Variants in TRDN observed in about 807,000 individuals in gnomAD.
TRDN encodes triadin.
TRDN carries 161 observed loss-of-function variants against 149.7 expected under a neutral mutation model. That is an observed-to-expected ratio of 1.08 (90% confidence interval 0.95 to 1.23). TRDN has a LOEUF of 1.23. Among genes scored for constraint, TRDN ranks in the 50% most tolerant of loss-of-function variants. The pLI, the probability that TRDN is intolerant of heterozygous loss-of-function variation, is 0.00. For missense variants in TRDN, 896 were observed against 823.5 expected (o/e 1.09, Z -1.08); for synonymous variants, 294 against 250.5 (o/e 1.17, Z -1.64).
intron 12 of TRDN, among the ~76,000 whole-genome samples, chr6:123,397,600 G>T (rs1772785337): frequency 6.6e-6 from 1 of 152,094 alleles, no homozygotes; most frequent in Non-Finnish European, 1.5e-5. Context: ...TAAGCTCAGG[G>T]ATCTATTTCA....
intron 12 of TRDN, among the ~76,000 whole-genome samples, chr6:123,430,826 C>T (rs1253229509): frequency 6.6e-6 from 1 of 152,066 alleles, no homozygotes; most frequent in Non-Finnish European, 1.5e-5. Context: ...TTGCATTCAG[C>T]CCAAGCTCAC....
chr6:123,250,064 TGAA>T (rs1317333133), intron 38 of TRDN, among the ~76,000 whole-genome samples: 2 of 151,920 alleles, frequency 1.3e-5, no homozygotes, highest in African/African-American at 2.4e-5. Context: ...ATGAACTAGC[TGAA>T]GAAGAAATCA....
intron 9 of TRDN, chr6:123,488,711 T>C (rs1466163961): frequency 2.7e-4 from 1 of 3,702 alleles, no homozygotes; most frequent in African/African-American, 5.6e-4. Flanking sequence ...CCAATCTTGT[T>C]TTTTTTTTTT....
chr6:123,315,518 G>T (rs977742031), intron 24 of TRDN, among the ~76,000 whole-genome samples: 2 of 151,868 alleles, frequency 1.3e-5, no homozygotes, highest in South Asian at 2.1e-4. Context: ...ATAGAAGGGT[G>T]ATTTGTAATA....
chr6:123,265,524 A>C (rs1776913068), intron 32 of TRDN, among the ~76,000 whole-genome samples, 186 bp from the exon 33 acceptor site: 1 of 151,380 alleles, frequency 6.6e-6, no homozygotes, highest in African/African-American at 2.4e-5. Context: ...TGAGTTTCTC[A>C]TGGAGCAGTA....
intron 24 of TRDN, among the ~76,000 whole-genome samples, chr6:123,302,404 A>G (rs533084102): frequency 6.6e-6 from 1 of 152,174 alleles, no homozygotes; most frequent in East Asian, 1.9e-4. Context: ...TAAGCCATTG[A>G]TCCTTTGCAT....
intron 14 of TRDN, among the ~76,000 whole-genome samples, chr6:123,387,425 C>CT (rs1196897776): frequency 3.9e-5 from 6 of 152,044 alleles, no homozygotes; most frequent in African/African-American, 1.2e-4. Flanking sequence ...AAATGAGTGA[C>CT]TTTTTTATTA....
At chr6:123,252,978 G>A (rs1258388612) in intron 37 of TRDN, among the ~76,000 whole-genome samples, 2 of 152,134 alleles carry the variant, frequency 1.3e-5, no homozygotes, top group East Asian at 3.9e-4. Flanking sequence ...TTTGCATTAT[G>A]TAACAGCTAA....
intron 8 of TRDN, among the ~76,000 whole-genome samples, chr6:123,500,994 T>C (rs2114824333): frequency 6.6e-6 from 1 of 152,240 alleles, no homozygotes; most frequent in South Asian, 2.1e-4. Flanking sequence ...AATGTCTGAC[T>C]ATGCCAACTC....
At chr6:123,419,565 G>A (rs2114537106) in intron 12 of TRDN, among the ~76,000 whole-genome samples, 1 of 152,058 alleles carries the variant, frequency 6.6e-6, no homozygotes, top group Middle Eastern at 3.4e-3. Flanking sequence ...ATAGACAGGG[G>A]GCGGGTCTCA....
chr6:123,511,114 G>T (rs1000915345), intron 7 of TRDN, among the ~76,000 whole-genome samples: 1 of 152,096 alleles, frequency 6.6e-6, no homozygotes, highest in Admixed American at 6.6e-5. Flanking sequence ...ATAGTTTCAG[G>T]TCTTACGTTT....
rs114515157 is a variant in TRDN, at chr6:123,629,269, G to T, written c.22+7485C>A. ...AGTTTGCTAAATATGTATTTTGAACGTCTGTATAAATGGAAACTGAATCTC... is the reference window on the plus strand; with the variant it reads ...AGTTTGCTAAATATGTATTTTGAACTTCTGTATAAATGGAAACTGAATCTC... On this transcript the variant is annotated intron_variant, in intron 1 of 40. Coordinates refer to ENST00000334268, the MANE Select transcript of TRDN (RefSeq NM_006073.4). 2.3e-3 allele frequency among the ~76,000 whole-genome samples: 356 copies of T among 152,160 alleles called. 1 individual carries two copies. Among genetic ancestry groups the T allele is most frequent in the African/African-American group, 8.4e-3 (351 of 41,546 alleles).
intron 7 of TRDN, among the ~76,000 whole-genome samples, chr6:123,505,628 A>G (rs972834566): frequency 5.3e-5 from 8 of 152,202 alleles, no homozygotes; most frequent in Non-Finnish European, 1.0e-4. Flanking sequence ...AAGAAGGGGA[A>G]TTATGATACA....
chr6:123,449,998 T>G (rs1775666923), intron 10 of TRDN, among the ~76,000 whole-genome samples: 2 of 152,124 alleles, frequency 1.3e-5, no homozygotes, highest in South Asian at 4.1e-4. Flanking sequence ...AGATGAAGTC[T>G]TTTTCAGACA....
intron 7 of TRDN, among the ~76,000 whole-genome samples, chr6:123,505,198 T>G (rs1454124515): frequency 7.5e-6 from 1 of 133,256 alleles, no homozygotes; most frequent in Non-Finnish European, 1.5e-5. Context: ...GAGCCGAGAT[T>G]GCGCCATTGC....
At chr6:123,457,199 A>G (rs1241247820) in intron 10 of TRDN, among the ~76,000 whole-genome samples, 1 of 152,222 alleles carries the variant, frequency 6.6e-6, no homozygotes, top group African/African-American at 2.4e-5. Context: ...GCTGTGAAGC[A>G]GGAAACTGGC....
At chr6:123,594,184 A>G (rs1489384205) in intron 1 of TRDN, among the ~76,000 whole-genome samples, 2 of 152,192 alleles carry the variant, frequency 1.3e-5, no homozygotes, top group Non-Finnish European at 2.9e-5. Context: ...CTACAATTTG[A>G]CCAGAAATTA....
rs559081207 is a variant in TRDN at position 123,367,416 on chromosome 6, C to T, written c.1274-1234G>A. ...TCAAACAAGGCGAGCCTTTACACCC[C>T]TCATCCTCTCTGTGCCACAAAACCC... On this transcript the variant is annotated intron_variant, in intron 19 of 40. Transcript: ENST00000334268. Among the ~76,000 whole-genome samples, 16 of 152,276 alleles carry T rather than the reference C, an allele frequency of 1.1e-4. 1 individual carries two copies. Among genetic ancestry groups the T allele is most frequent in the Middle Eastern group, 3.4e-3 (1 of 292 alleles).
intron 33 of TRDN, among the ~76,000 whole-genome samples, chr6:123,261,147 A>C (rs937360868): frequency 3.0e-4 from 46 of 151,948 alleles, no homozygotes; most frequent in African/African-American, 1.1e-3. Context: ...AATGTAAAAA[A>C]TTAAAAAACA....
Sources: allele counts gnomAD v4.1 joint callset (sites outside exome capture counted in the v4.1 genomes callset), GRCh38; gene constraint gnomAD v4.1.1; transcripts MANE v1.5; gene names NCBI Gene and HGNC (gene_info 2026-07-23, HGNC 2026-07-21).